PSIP1: variants seen among roughly 807,000 people sequenced by gnomAD.
PSIP1 encodes the protein PC4 and SRSF1 interacting protein 1.
Under a neutral mutation model 74.7 loss-of-function variants are expected in PSIP1, and 19 were observed. The observed-to-expected ratio is 0.25, with a 90% CI of 0.18 to 0.37. The LOEUF is 0.37. PSIP1 is among the 10% of genes least tolerant of loss of function. The pLI, the probability that PSIP1 is intolerant of heterozygous loss-of-function variation, is 1.00. For synonymous variants in PSIP1, 222 were observed against 195.3 expected (o/e 1.14, Z -1.14); for missense variants, 601 against 614.3 (o/e 0.98, Z 0.23).
At chr9:15,473,508 G>C (rs942443837) in intron 9 of PSIP1, among the ~76,000 whole-genome samples, 1 of 152,152 alleles carries the variant, frequency 6.6e-6, no homozygotes, top group African/African-American at 2.4e-5. Flanking sequence ...TTGTAACACA[G>C]CTAATTCAAG....
At chr9:15,486,676 A>G in intron 5 of PSIP1, 151 bp downstream of exon 5, 1 of 619,806 alleles carries the variant, frequency 1.6e-6, no homozygotes, top group Non-Finnish European at 2.8e-6. Flanking sequence ...ACTGTATTTA[A>G]TATTTACACA....
intron 8 of PSIP1, among the ~76,000 whole-genome samples, chr9:15,478,071 A>G (rs1042879421): frequency 6.7e-6 from 1 of 149,990 alleles, no homozygotes; most frequent in Non-Finnish European, 1.5e-5. Context: ...TTGAGGTTAC[A>G]GTGTGCGATT....
intron 3 of PSIP1, among the ~76,000 whole-genome samples, chr9:15,500,245 C>T (rs1295788081): frequency 6.6e-6 from 1 of 152,036 alleles, no homozygotes; most frequent in Non-Finnish European, 1.5e-5. Context: ...GCAGGAGGAT[C>T]ATGACGTCAG....
intron 3 of PSIP1, 110 bp downstream of exon 3, chr9:15,506,451 A>C: frequency 1.3e-6 from 1 of 744,178 alleles, no homozygotes; most frequent in South Asian, 2.2e-5. Context: ...CAAAGTTCAA[A>C]GATTTTAAAG....
intron 3 of PSIP1, among the ~76,000 whole-genome samples, chr9:15,497,567 C>T (rs1178642149): frequency 2.6e-5 from 4 of 151,960 alleles, no homozygotes; most frequent in Admixed American, 1.3e-4. Context: ...CCTCGTGATC[C>T]GCCCACCTCG....
chr9:15,477,010 G>A (rs552753089), intron 8 of PSIP1, among the ~76,000 whole-genome samples: 4 of 152,240 alleles, frequency 2.6e-5, no homozygotes, highest in East Asian at 3.9e-4. Context: ...GAAGACAAAC[G>A]GAGTGGGAAG....
intron 3 of PSIP1, among the ~76,000 whole-genome samples, chr9:15,494,115 C>T (rs896682241): frequency 1.3e-5 from 2 of 152,126 alleles, no homozygotes; most frequent in African/African-American, 4.8e-5. Context: ...CTAAAATGTA[C>T]TAAATTTTAA....
At chr9:15,489,658 AG>A (rs1401623085) in intron 4 of PSIP1, among the ~76,000 whole-genome samples, 1 of 151,862 alleles carries the variant, frequency 6.6e-6, no homozygotes, top group Non-Finnish European at 1.5e-5. Flanking sequence ...AAAGAGAATA[AG>A]AAAACTTAGG....
intron 10 of PSIP1, chr9:15,471,169 G>C (rs367761142): frequency 3.1e-6 from 5 of 1,607,022 alleles, no homozygotes; most frequent in Non-Finnish European, 4.3e-6. Flanking sequence ...TCAGTAACTG[G>C]ATTAATGCTT....
At chr9:15,504,024 C>T (rs976086511) in intron 3 of PSIP1, among the ~76,000 whole-genome samples, 3 of 152,068 alleles carry the variant, frequency 2.0e-5, no homozygotes, top group East Asian at 1.9e-4. Flanking sequence ...GGATTACACG[C>T]GTAAGCCACC....
chr9:15,468,906 A>G, intron 13 of PSIP1, 51 bp downstream of exon 13: 2 of 1,602,982 alleles, frequency 1.2e-6, no homozygotes, highest in African/African-American at 1.3e-5. Context: ...ACAATTTTTA[A>G]ATGAAGTAAT....
At chr9:15,483,698 G>A (rs968581050) in intron 6 of PSIP1, among the ~76,000 whole-genome samples, 1 of 152,108 alleles carries the variant, frequency 6.6e-6, no homozygotes, top group Admixed American at 6.6e-5. Flanking sequence ...TGGTCTCACT[G>A]CCCCAATCCA....
chr9:15,486,087 A>T lies in PSIP1; in HGVS notation c.394-19T>A. 6.4e-7 allele frequency: 1 copy of T among 1,551,964 alleles called. No individual in the cohort carries two copies. On this transcript the variant is annotated intron_variant, in intron 5 of 15. Transcript: ENST00000380733. Reference sequence around the variant, plus strand: ...TCACATCCTAAAAAAGAAAAAAGAAAACTGAATACTGAATAAATTATTCCA... The same window carrying T: ...TCACATCCTAAAAAAGAAAAAAGAATACTGAATACTGAATAAATTATTCCA...
chr9:15,498,233 C>A (rs1349350879), intron 3 of PSIP1, among the ~76,000 whole-genome samples: 1 of 151,938 alleles, frequency 6.6e-6, no homozygotes, highest in Non-Finnish European at 1.5e-5. Context: ...CTGGCCAAGA[C>A]GGCAAAACCC....
At chr9:15,485,858 T>C in intron 6 of PSIP1, 148 bp downstream of exon 6, 1 of 624,080 alleles carries the variant, frequency 1.6e-6, no homozygotes, top group Non-Finnish European at 2.7e-6. Context: ...ACACAGATAG[T>C]TTTGCCAAGT....
intron 4 of PSIP1, among the ~76,000 whole-genome samples, chr9:15,488,310 G>A (rs1475609619): frequency 6.6e-6 from 1 of 152,132 alleles, no homozygotes; most frequent in East Asian, 1.9e-4. Context: ...CAGCCGGGGT[G>A]ACAGAGTGAG....
chr9:15,493,403 T>C (rs1043443431), intron 3 of PSIP1, among the ~76,000 whole-genome samples: 4 of 152,190 alleles, frequency 2.6e-5, no homozygotes, highest in South Asian at 2.1e-4. Context: ...AACAAGTCTC[T>C]AGAAGTTCTC....
rs113876575 is a variant in PSIP1 at position 15,472,613 on chromosome 9, GA to G, written c.977+18del. 15,244 of 1,071,710 alleles carry G rather than the reference GA, an allele frequency of 0.014. 1 individual carries two copies. The highest frequency in any genetic ancestry group is 0.042 in the South Asian group (2,172 of 52,324). The allele number at this position is 1,071,710 out of a possible 1,614,324, so 66.4% of individuals were successfully genotyped here. A position where few individuals can be genotyped will look rare whatever the true frequency, so the allele number is the denominator to read the frequency against. On this transcript the variant is annotated intron_variant, in intron 10 of 15. Transcript: ENST00000380733. ...GCCTTTAAAAAGAACCCAAAATTTA[GA>G]AAAAAAAAAATACTTACTGCTCAGT...
chr9:15,467,932 C>T (rs1278766365), intron 14 of PSIP1, among the ~76,000 whole-genome samples: 1 of 151,864 alleles, frequency 6.6e-6, no homozygotes, highest in Non-Finnish European at 1.5e-5. Context: ...ACCAGCCTGA[C>T]CAACATGGAG....
Sources: gnomAD v4.1 joint callset for allele counts (sites outside exome capture counted in the v4.1 genomes callset) on GRCh38, gnomAD v4.1.1 for gene constraint, MANE v1.5 for transcripts, NCBI Gene and HGNC (gene_info 2026-07-23, HGNC 2026-07-21) for gene names.